The following VAV2 variants were observed in gnomAD, a reference collection of about 807,000 sequenced individuals.
VAV2 encodes the protein vav guanine nucleotide exchange factor 2.
VAV2 carries 67 observed loss-of-function variants against 132.5 expected under a neutral mutation model. The observed-to-expected ratio is 0.51, with a 90% CI of 0.42 to 0.62. The LOEUF (loss-of-function observed/expected upper bound fraction) is 0.62, where lower values mean the gene tolerates loss of function less well. Ranked by LOEUF, VAV2 falls within the 20% of genes least tolerant of loss-of-function variation. The pLI, the probability that VAV2 is intolerant of heterozygous loss-of-function variation, is 0.00. For missense variants in VAV2, 938 were observed against 1,153.6 expected, an observed-to-expected ratio of 0.81 and a Z score of 2.71; for synonymous variants, 492 against 443.5, an observed-to-expected ratio of 1.11 and a Z score of -1.37.
chr9:133,861,587 A>G (rs1026671581), intron 2 of VAV2, among the ~76,000 whole-genome samples, 155 bp from the exon 3 acceptor site: 8 of 152,148 alleles, frequency 5.3e-5, no homozygotes, highest in African/African-American at 1.9e-4. Context: ...TAGGCTAGAC[A>G]CTTGTTTTGT....
intron 19 of VAV2, 34 bp from the exon 20 acceptor site, chr9:133,780,744 G>T: frequency 7.9e-7 from 1 of 1,264,112 alleles, no homozygotes; most frequent in East Asian, 3.1e-5. Context: ...TTAGAGGGGA[G>T]GCCACCGACG....
intron 8 of VAV2, among the ~76,000 whole-genome samples, chr9:133,806,902 G>C (rs1297037702): frequency 6.6e-6 from 1 of 152,262 alleles, no homozygotes; most frequent in East Asian, 1.9e-4. Flanking sequence ...CTATGACTGA[G>C]TTCAGACACC....
intron 2 of VAV2, among the ~76,000 whole-genome samples, chr9:133,933,952 G>GATGGTGGATGGA (rs57228303): frequency 2.3e-5 from 3 of 130,194 alleles, no homozygotes; most frequent in Admixed American, 7.5e-5. Context: ...TGGATGGATG[G>GATGGTGGATGGA]TGGATGGATG....
chr9:133,965,327 A>G (rs1842108018), intron 1 of VAV2, among the ~76,000 whole-genome samples: 1 of 151,776 alleles, frequency 6.6e-6, no homozygotes, highest in African/African-American at 2.4e-5. Context: ...ATCTCTAAAA[A>G]AAAAAAATAA....
chr9:133,851,384 C>T (rs1377005307), intron 3 of VAV2, among the ~76,000 whole-genome samples: 2 of 152,214 alleles, frequency 1.3e-5, no homozygotes, highest in Non-Finnish European at 2.9e-5. Flanking sequence ...CAGACATCAT[C>T]TTTTGAATCC....
At chr9:133,790,230 G>C (rs1230750838) in intron 13 of VAV2, among the ~76,000 whole-genome samples, 6 of 152,200 alleles carry the variant, frequency 3.9e-5, no homozygotes, top group African/African-American at 1.4e-4. Flanking sequence ...AGGCTGGAGT[G>C]CAGTGGCGCA....
rs756485000 is a variant in VAV2, at chr9:133,777,457, G to C, written c.1897C>G (p.Leu633Val). The C allele has an allele frequency of 6.2e-6, 10 of 1,613,520 alleles. No individual in the cohort carries two copies. The highest frequency in any genetic ancestry group is 4.2e-6 in the Non-Finnish European group (5 of 1,180,004). ...DPESPWWEGR[L>V]VQTRKSGYFP... ...TACCCTGACTTCCTGGTTTGTACCAGACGACCCTGGCAGAGGAAAGAGATG... is the reference window on the plus strand; with the variant it reads ...TACCCTGACTTCCTGGTTTGTACCACACGACCCTGGCAGAGGAAAGAGATG... Residue 633 changes from leucine to valine, a missense_variant, in exon 23 of 30, where the codon CTG (leucine) becomes GTG (valine). By Grantham distance (32) the Leu-to-Val change is conservative. Coordinates refer to ENST00000371850, the MANE Select transcript of VAV2 (RefSeq NM_001134398.2).
chr9:133,978,952 C>G (rs988366212), intron 1 of VAV2, among the ~76,000 whole-genome samples: 1 of 152,260 alleles, frequency 6.6e-6, no homozygotes, highest in East Asian at 1.9e-4. Flanking sequence ...GGGGGCTCAT[C>G]AGAGCTGAGG....
At chr9:133,953,712 C>T (rs906766837) in intron 1 of VAV2, among the ~76,000 whole-genome samples, 4 of 152,080 alleles carry the variant, frequency 2.6e-5, no homozygotes, top group African/African-American at 9.7e-5. Context: ...GGGTGGGGCA[C>T]CTTTCCGGCA....
Position 133,908,469 on chromosome 9 carries a change from T to C in VAV2, c.321+30634A>G, listed in dbSNP as rs75297899. 7.6e-3 allele frequency among the ~76,000 whole-genome samples: 1,154 copies of C among 151,596 alleles called. 20 individuals carry two copies. Among genetic ancestry groups the C allele is most frequent in the African/African-American group, 0.026 (1,082 of 41,240 alleles). On this transcript the variant is annotated intron_variant, in intron 2 of 29. Transcript: ENST00000371850. ...GAAATCTCCCCTCACCTCTCAGACC[T>C]TTCCCTGATGCCCCCAAGCCAGACA...
At position 133,763,976 on chromosome 9, in the gene VAV2, C is replaced by CT. The variant is rs1029315526; in HGVS notation, c.*85dup. The CT allele has an allele frequency of 6.1e-5, 93 of 1,528,274 alleles. No homozygotes were observed. Among genetic ancestry groups the CT allele is most frequent in the South Asian group, 4.8e-4 (43 of 88,702 alleles). The allele number at this position is 1,528,274 out of a possible 1,614,324, so 94.7% of individuals were successfully genotyped here. ...AGACTGGGAGGTTGGTATTTCCCCTCTGAGTCACAGAGGAGCTAGAGACAG... is the reference window on the plus strand; with the variant it reads ...AGACTGGGAGGTTGGTATTTCCCCTCTTGAGTCACAGAGGAGCTAGAGACAG... On this transcript the variant is annotated 3_prime_UTR_variant, in exon 30 of 30. Coordinates refer to ENST00000371850, the MANE Select transcript of VAV2 (RefSeq NM_001134398.2). The surrounding 1 kb of genome is among the most constrained non-coding windows in gnomAD (Gnocchi z 6.8).
At chr9:133,962,925 A>G (rs1170891951) in intron 1 of VAV2, among the ~76,000 whole-genome samples, 1 of 152,102 alleles carries the variant, frequency 6.6e-6, no homozygotes, top group Non-Finnish European at 1.5e-5. Flanking sequence ...ATGGCTGCTA[A>G]AAGTCTTCTT....
At position 133,833,676 on chromosome 9, in the gene VAV2, G is replaced by A. The variant is rs554318607; in HGVS notation, c.449+596C>T. On this transcript the variant is annotated intron_variant, in intron 4 of 29. Transcript: ENST00000371850. The surrounding 1 kb of genome is among the most constrained non-coding windows in gnomAD (Gnocchi z 5.6). ...TCCCACCCTGGTCACAGATTCCCAC[G>A]GTCCCGATGGGGCCCTGGTGCTGTG... Among the ~76,000 whole-genome samples the A allele has an allele frequency of 7.9e-5, 12 of 152,246 alleles. No homozygotes were observed. The highest frequency in any genetic ancestry group is 3.9e-4 in the East Asian group (2 of 5,164).
At position 133,969,875 on chromosome 9, in the gene VAV2, A is replaced by G. The variant is rs143333015; in HGVS notation, c.204+22200T>C. Among the ~76,000 whole-genome samples, 74 of 151,884 alleles carry G rather than the reference A, an allele frequency of 4.9e-4. No individual in the cohort carries two copies. Among genetic ancestry groups the G allele is most frequent in the African/African-American group, 1.7e-3 (71 of 41,380 alleles). Reference sequence around the variant, plus strand: ...TGTCCCTGTAGTGCAGACACAGTGGAGCTTTCCAAAGCCAAATCTGAGCAC... The same window carrying G: ...TGTCCCTGTAGTGCAGACACAGTGGGGCTTTCCAAAGCCAAATCTGAGCAC... On this transcript the variant is annotated intron_variant, in intron 1 of 29. Coordinates refer to ENST00000371850, the MANE Select transcript of VAV2 (RefSeq NM_001134398.2). This position sits in a 1 kb window ranked among gnomAD's most constrained non-coding sequence, Gnocchi z 5.1.
At chr9:133,953,553 G>A (rs1163388266) in intron 1 of VAV2, among the ~76,000 whole-genome samples, 41 of 152,248 alleles carry the variant, frequency 2.7e-4, no homozygotes. Context: ...GCTCAATTCA[G>A]GGCTCTTTGG....
intron 2 of VAV2, among the ~76,000 whole-genome samples, chr9:133,891,902 T>C (rs888661389): frequency 1.6e-4 from 16 of 100,328 alleles, no homozygotes; most frequent in Non-Finnish European, 3.0e-4. Context: ...GAGGTGGGGA[T>C]AGAGGGCGTG....
At chr9:133,896,192 C>T (rs368191467) in intron 2 of VAV2, among the ~76,000 whole-genome samples, 4 of 152,236 alleles carry the variant, frequency 2.6e-5, no homozygotes, top group Admixed American at 6.5e-5. Flanking sequence ...CAGTGGCTTA[C>T]GCCTATAATC....
chr9:133,917,300 G>C (rs541892634), intron 2 of VAV2, among the ~76,000 whole-genome samples: 104 of 152,310 alleles, frequency 6.8e-4, no homozygotes, highest in African/African-American at 2.4e-3. Flanking sequence ...GGCAATGGTG[G>C]AGCCCAATGG....
chr9:133,904,858 G>C (rs909462609), intron 2 of VAV2, among the ~76,000 whole-genome samples: 2 of 152,238 alleles, frequency 1.3e-5, no homozygotes, highest in African/African-American at 4.8e-5. Context: ...ATACTCTTTC[G>C]CCTGAGTAAA....
Sources: gnomAD v4.1 joint callset for allele counts (sites outside exome capture counted in the v4.1 genomes callset) on GRCh38, gnomAD v4.1.1 for gene constraint, Gnocchi (gnomAD v3.1) non-coding constraint, MANE v1.5 for transcripts, NCBI Gene and HGNC (gene_info 2026-07-23, HGNC 2026-07-21) for gene names.